BPTF: variants seen among roughly 807,000 people sequenced by gnomAD.
BPTF encodes the protein bromodomain PHD finger transcription factor, also known as nucleosome-remodeling factor subunit BPTF.
BPTF carries 18 observed loss-of-function variants against 292.5 expected under a neutral mutation model. The ratio of observed to expected loss-of-function variants is 0.06; its 90% CI spans 0.04 to 0.09. The LOEUF is 0.09. Ranked by LOEUF, BPTF falls within the 10% of genes least tolerant of loss-of-function variation. The pLI is 1.00. For missense variants in BPTF, 2,726 were observed against 3,498.7 expected (o/e 0.78, Z 5.57); for synonymous variants, 1,225 against 1,251.9 (o/e 0.98, Z 0.45).
intron 3 of BPTF, among the ~76,000 whole-genome samples, chr17:67,868,893 G>A (rs1217859109): frequency 6.6e-6 from 1 of 152,062 alleles, no homozygotes; most frequent in Non-Finnish European, 1.5e-5. Flanking sequence ...TCAGAAAAAA[G>A]CATTCTTAGT....
At chr17:67,932,653 A>G (rs1306481199) in intron 18 of BPTF, among the ~76,000 whole-genome samples, 1 of 152,204 alleles carries the variant, frequency 6.6e-6, no homozygotes, top group Non-Finnish European at 1.5e-5. Context: ...GTGAGCCAAG[A>G]TCATGCCACT....
intron 7 of BPTF, among the ~76,000 whole-genome samples, chr17:67,902,656 C>T (rs1568019200): frequency 6.6e-6 from 1 of 152,092 alleles, no homozygotes; most frequent in Non-Finnish European, 1.5e-5. Context: ...TTCTGGGAAC[C>T]TACAATCACA....
intron 13 of BPTF, among the ~76,000 whole-genome samples, chr17:67,920,438 C>A (rs1476643291): frequency 2.6e-5 from 4 of 152,166 alleles, no homozygotes; most frequent in Admixed American, 2.6e-4. Context: ...GCAGCCATCT[C>A]GTCTGTCTGG....
intron 26 of BPTF, among the ~76,000 whole-genome samples, chr17:67,972,799 T>C (rs2068908806): frequency 6.6e-6 from 1 of 151,768 alleles, no homozygotes; most frequent in South Asian, 2.1e-4. Context: ...AAATGAAAAT[T>C]AGTCAAGCAG....
rs781852792 is a variant in BPTF, at chr17:67,946,079, G to A, written c.7371G>A (p.Gln2457=). The change falls in exon 21 of 28, where the codon CAG becomes CAA. Residue 2457 remains glutamine (Q), a synonymous_variant. Transcript: ENST00000306378. The part of the protein sequence containing the change: ...QIQSQVVAQI[Q]AQQSGVPQQI... ...AGTCACAGGTTGTGGCTCAGATACA[G>A]GCTCAGCAAAGTGGTGTGCCCCAGC... 1 of 1,614,140 alleles carries A rather than the reference G, an allele frequency of 6.2e-7. No homozygotes were observed. Among genetic ancestry groups the A allele is most frequent in the Non-Finnish European group, 8.5e-7 (1 of 1,180,028 alleles).
intron 2 of BPTF, among the ~76,000 whole-genome samples, chr17:67,857,148 A>ATTTTTTTTTTT (rs35727338): frequency 2.0e-5 from 2 of 97,584 alleles, no homozygotes; most frequent in East Asian, 4.2e-4. Context: ...GTCTTTAACA[A>ATTTTTTTTTTT]TTTTTTTTTT....
chr17:67,837,805 T>C (rs939491731), intron 1 of BPTF, among the ~76,000 whole-genome samples: 3 of 152,200 alleles, frequency 2.0e-5, no homozygotes, highest in Non-Finnish European at 2.9e-5. Flanking sequence ...AGAGTCCTCT[T>C]CTCATCAATT....
rs767763183 is a variant in BPTF at position 67,929,462 on chromosome 17, C to G, written c.6125C>G (p.Ser2042Cys). 3.0e-5 allele frequency: 49 copies of G among 1,614,008 alleles called. No homozygotes were observed. In the Middle Eastern group the frequency reaches 4.9e-4, roughly 16 times the overall value. Residue 2042 changes from serine to cysteine, a missense_variant, in exon 17 of 28, where the codon TCT (serine) becomes TGT (cysteine). By Grantham distance (112) the Ser-to-Cys change is moderately radical. This residue lies in a region of BPTF where 570 missense variants were observed against 633.5 expected (regional missense o/e 0.90). Coordinates refer to ENST00000306378, the MANE Select transcript of BPTF (RefSeq NM_182641.4). Reference sequence around the variant, plus strand: ...ACAATTAGGCCCAATACCTCAGGCTCTGGAGGAACCACAAGCAATTCACAA... The same window carrying G: ...ACAATTAGGCCCAATACCTCAGGCTGTGGAGGAACCACAAGCAATTCACAA... ...TVTIRPNTSGSGGTTSNSQVI... is the reference protein window; with the variant it reads ...TVTIRPNTSGCGGTTSNSQVI...
At chr17:67,959,924 A>G (rs2067313140) in intron 24 of BPTF, 49 bp downstream of exon 24, 2 of 1,334,506 alleles carry the variant, frequency 1.5e-6, no homozygotes, top group East Asian at 2.4e-5. Context: ...AAGTTTAGCT[A>G]TTAAATTGGA....
At chr17:67,829,381 C>G (rs1349673173) in intron 1 of BPTF, among the ~76,000 whole-genome samples, 1 of 151,578 alleles carries the variant, frequency 6.6e-6, no homozygotes, top group Non-Finnish European at 1.5e-5. Context: ...GATACATGTG[C>G]AGAACGTGCA....
intron 23 of BPTF, among the ~76,000 whole-genome samples, chr17:67,954,549 C>G (rs544453002): frequency 1.3e-5 from 2 of 152,234 alleles, no homozygotes; most frequent in East Asian, 3.9e-4. Context: ...TGTTAGTGTT[C>G]GGCCACCTCT....
At chr17:67,875,728 C>T in intron 4 of BPTF, 2 of 1,595,300 alleles carry the variant, frequency 1.3e-6, no homozygotes, top group South Asian at 1.1e-5. Flanking sequence ...CATCTGAGCT[C>T]CCCCAGGATG....
At chr17:67,878,071 A>G (rs12325965) in intron 4 of BPTF, among the ~76,000 whole-genome samples, 15,356 of 152,132 alleles carry the variant, frequency 0.1, 2,651 homozygotes, top group African/African-American at 0.35. Flanking sequence ...TAGCCCAACA[A>G]AGGTACTGAC....
chr17:67,969,535 C>T (rs533522967), intron 26 of BPTF, among the ~76,000 whole-genome samples: 4 of 120,696 alleles, frequency 3.3e-5, no homozygotes, highest in Admixed American at 9.8e-5. Context: ...TCATATCATA[C>T]AGTGAATACA....
Position 67,912,865 on chromosome 17 carries a change from G to A in BPTF, c.4981G>A (p.Val1661Met). The change falls in exon 11 of 28, where the codon GTG (valine) becomes ATG (methionine). Residue 1661 changes from valine (V) to methionine (M), a missense_variant. Transcript: ENST00000306378. ...EQSKTVVTTT[V>M]TDSLTTTGGT... Reference sequence around the variant, plus strand: ...GAGCAAAACCGTGGTCACCACGACAGTGACAGACTCCCTGACCACCACGGG... The same window carrying A: ...GAGCAAAACCGTGGTCACCACGACAATGACAGACTCCCTGACCACCACGGG... 6.2e-7 allele frequency: 1 copy of A among 1,614,138 alleles called. No individual in the cohort carries two copies. The highest frequency in any genetic ancestry group is 8.5e-7 in the Non-Finnish European group (1 of 1,180,020).
At chr17:67,873,400 G>T (rs912356502) in intron 3 of BPTF, among the ~76,000 whole-genome samples, 2 of 151,162 alleles carry the variant, frequency 1.3e-5, no homozygotes, top group Non-Finnish European at 2.9e-5. Flanking sequence ...AGAGGTTGCA[G>T]TGAGCCAGGA....
At chr17:67,847,067 G>A (rs2058079910) in intron 1 of BPTF, among the ~76,000 whole-genome samples, 1 of 152,150 alleles carries the variant, frequency 6.6e-6, no homozygotes, top group South Asian at 2.1e-4. Context: ...ACTCTTAGTG[G>A]TACTGGCTGT....
rs782369843 is a variant in BPTF, at chr17:67,959,627, C to G, written c.8013C>G (p.Pro2671=). The G allele has an allele frequency of 6.4e-6, 10 of 1,570,428 alleles. No homozygotes were observed. The highest frequency in any genetic ancestry group is 1.7e-4 in the Middle Eastern group (1 of 5,848). Residue 2671 remains proline (P), a synonymous_variant, in exon 24 of 28, where the codon CCC becomes CCG. Transcript: ENST00000306378. ...CCACAGCAGTAGCTGCACCCTGCCC[C>G]CCAGTGACACCAGCTCCTCCAGCCC... ...AQATAVAAPC[P]PVTPAPPAPP...
chr17:67,941,041 T>C (rs2065319438), intron 19 of BPTF, among the ~76,000 whole-genome samples: 1 of 152,248 alleles, frequency 6.6e-6, no homozygotes, highest in Non-Finnish European at 1.5e-5. Context: ...AGGTTTTGTT[T>C]TTAGTGAAAC....
Sources: allele counts gnomAD v4.1 joint callset (sites outside exome capture counted in the v4.1 genomes callset), GRCh38; gene constraint gnomAD v4.1.1; regional missense constraint gnomAD v4.1.1; transcripts MANE v1.5; gene names NCBI Gene and HGNC (gene_info 2026-07-23, HGNC 2026-07-21).